Variants in PDXDC1 observed in about 807,000 individuals in gnomAD.
PDXDC1 encodes the protein pyridoxal dependent decarboxylase domain containing 1.
A neutral mutation model predicts 100.1 loss-of-function variants in PDXDC1; 42 were observed. That is an observed-to-expected ratio of 0.42 (90% CI 0.33 to 0.54). The LOEUF (loss-of-function observed/expected upper bound fraction) is 0.54, where lower values mean the gene tolerates loss of function less well. PDXDC1 is among the 20% of genes least tolerant of loss of function. The pLI, the probability that PDXDC1 is intolerant of heterozygous loss-of-function variation, is 0.10. For missense variants in PDXDC1, 636 were observed against 979.2 expected, an observed-to-expected ratio of 0.65 and a Z score of 4.68; for synonymous variants, 260 against 371.7, an observed-to-expected ratio of 0.70 and a Z score of 3.46.
chr16:15,100,376 T>A (rs985026921), intron 16 of PDXDC1, among the ~76,000 whole-genome samples: 2 of 152,230 alleles, frequency 1.3e-5, no homozygotes. Flanking sequence ...TATACACATA[T>A]ATGTGTATGT....
rs761268272 is a variant in PDXDC1, at chr16:15,028,981, C to T, written c.1293+15C>T. 1.1e-5 allele frequency: 17 copies of T among 1,610,128 alleles called. No individual in the cohort carries two copies. The highest frequency in any genetic ancestry group is 4.5e-5 in the East Asian group (2 of 44,818). Reference sequence around the variant, plus strand: ...TGAATCGCTGGGTGAGAATGGCAGTCACCCCCCTTTCCTTTCAGGTCCCCG... The same window carrying T: ...TGAATCGCTGGGTGAGAATGGCAGTTACCCCCCTTTCCTTTCAGGTCCCCG... On this transcript the variant is annotated intron_variant, in intron 15 of 22. Transcript: ENST00000396410.
chr16:14,997,463 C>T (rs1234596984), intron 1 of PDXDC1, among the ~76,000 whole-genome samples: 6 of 152,280 alleles, frequency 3.9e-5, no homozygotes, highest in Admixed American at 3.9e-4. Context: ...TCACTTGAAC[C>T]CAGGAGGCAG....
At chr16:15,130,963 C>G (rs1298613474) in intron 16 of PDXDC1, 1 of 752,878 alleles carries the variant, frequency 1.3e-6, no homozygotes, top group South Asian at 1.6e-5. Flanking sequence ...TCCGGCCAGG[C>G]CCCCAGCAGC....
At chr16:15,071,203 G>A in intron 16 of PDXDC1, 1 of 1,610,900 alleles carries the variant, frequency 6.2e-7, no homozygotes, top group Non-Finnish European at 8.5e-7. Context: ...GGATTACTTG[G>A]GTCCTGCAAT....
intron 16 of PDXDC1, chr16:15,080,134 G>A: frequency 1.9e-6 from 3 of 1,557,762 alleles, no homozygotes; most frequent in East Asian, 2.3e-5. Flanking sequence ...TTTCAACAGA[G>A]AATAAACGTT....
chr16:15,038,488 A>G, downstream of PDXDC1: 1 of 776,790 alleles, frequency 1.3e-6, no homozygotes, highest in Non-Finnish European at 2.2e-6. Context: ...GAAAGCAGCT[A>G]TGACCTGGTC....
chr16:15,038,396 T>A (rs532258601), downstream of PDXDC1: 4 of 625,924 alleles, frequency 6.4e-6, no homozygotes, highest in Non-Finnish European at 1.1e-5. Context: ...CATTTCCATC[T>A]AGGACTTGAC....
At chr16:15,120,940 G>A (rs1295884433) in intron 16 of PDXDC1, among the ~76,000 whole-genome samples, 1 of 31,296 alleles carries the variant, frequency 3.2e-5, no homozygotes, top group Non-Finnish European at 6.1e-5. Context: ...TTCAGCCTGG[G>A]TGACAGAGCG....
chr16:14,993,374 T>C (rs1971285341), intron 1 of PDXDC1, among the ~76,000 whole-genome samples: 2 of 148,784 alleles, frequency 1.3e-5, no homozygotes, highest in Admixed American at 1.4e-4. Context: ...TTCCCACCTA[T>C]GAGTGAGAAC....
At chr16:15,148,802 T>C in the PDXDC1 span, among the ~76,000 whole-genome samples, 1 of 152,158 alleles carries the variant, frequency 6.6e-6, no homozygotes, top group African/African-American at 2.4e-5. Flanking sequence ...GCCTCTGCAG[T>C]GGGCGCTCGG....
chr16:15,041,780 G>A, downstream of PDXDC1: 1 of 831,034 alleles, frequency 1.2e-6, no homozygotes, highest in South Asian at 1.3e-5. Context: ...CCAACTGAGT[G>A]TGCTCCGCCC....
At chr16:15,071,815 C>A (rs1376962607) in intron 16 of PDXDC1, among the ~76,000 whole-genome samples, 1 of 152,062 alleles carries the variant, frequency 6.6e-6, no homozygotes, top group African/African-American at 2.4e-5. Flanking sequence ...CTGGGAGGTA[C>A]AAATTCAATA....
At chr16:15,143,680 C>G (rs577153724), downstream of PDXDC1, among the ~76,000 whole-genome samples, 2 of 152,204 alleles carry the variant, frequency 1.3e-5, no homozygotes, top group African/African-American at 4.8e-5. Flanking sequence ...GAGCCGGGGT[C>G]GGGGCGTGCA....
chr16:15,029,040 G>A (rs189695426), intron 15 of PDXDC1, 74 bp downstream of exon 15: 16 of 1,510,318 alleles, frequency 1.1e-5, no homozygotes, highest in African/African-American at 2.8e-5. Flanking sequence ...TGAGGGTGAC[G>A]CGTGCTCGTG....
At chr16:15,070,928 G>A (rs993128779) in intron 16 of PDXDC1, among the ~76,000 whole-genome samples, 2 of 152,030 alleles carry the variant, frequency 1.3e-5, no homozygotes, top group African/African-American at 4.8e-5. Flanking sequence ...TACATACAGG[G>A]TTTTATATAT....
chr16:15,127,549 G>C lies in PDXDC1; in HGVS notation c.1400-11330G>C, dbSNP rs548957239. On this transcript the variant is annotated intron_variant, in intron 16 of 16. Transcript: ENST00000535621. ...AACCACGCTGGACACCAGGCCAACA[G>C]CGACTGTGTCGACGCTCAGCGGGCT... 13 of 1,317,064 alleles carry C rather than the reference G, an allele frequency of 9.9e-6. No individual in the cohort carries two copies. In the African/African-American group the frequency reaches 1.8e-4, roughly 18 times the overall value. 81.6% of individuals were successfully genotyped at this position (1,317,064 alleles called of 1,614,324 possible).
intron 16 of PDXDC1, among the ~76,000 whole-genome samples, chr16:15,081,158 G>A (rs1315651583): frequency 1.3e-5 from 2 of 152,138 alleles, no homozygotes; most frequent in Non-Finnish European, 2.9e-5. Context: ...AGGCTATTAT[G>A]GATGATGCTG....
At position 15,034,337 on chromosome 16, in the gene PDXDC1, G is replaced by T. The variant is rs1353562845; in HGVS notation, c.1864G>T (p.Val622Leu). 6.2e-7 allele frequency: 1 copy of T among 1,613,530 alleles called. No individual in the cohort carries two copies. The highest frequency in any genetic ancestry group is 2.2e-5 in the East Asian group (1 of 44,880). The stretch of plus-strand genomic sequence containing the variant: ...TCGGAAAGGCATTCAGGAAGCTCAA[G>T]TGGAGCTGCAGAAGGCAAGTGAAGA... ...VVRKGIQEAQ[V>L]ELQKASEERL... The change falls in exon 20 of 23, where the codon GTG becomes TTG. Residue 622 changes from valine (V) to leucine (L), a missense_variant. This residue lies in a region of PDXDC1 where 452 missense variants were observed against 402.9 expected (regional missense o/e 1.12). Transcript: ENST00000396410.
chr16:15,065,740 A>G (rs2044942556), intron 16 of PDXDC1, among the ~76,000 whole-genome samples: 1 of 152,272 alleles, frequency 6.6e-6, no homozygotes, highest in Admixed American at 6.5e-5. Flanking sequence ...CTTTATTTTT[A>G]CTGTTTGCAA....
Sources: gnomAD v4.1 joint callset for allele counts (sites outside exome capture counted in the v4.1 genomes callset) on GRCh38, gnomAD v4.1.1 for gene constraint, gnomAD v4.1.1 regional missense constraint, MANE v1.5 for transcripts, NCBI Gene and HGNC (gene_info 2026-07-23, HGNC 2026-07-21) for gene names.